Variants in KPNA7 observed in about 807,000 individuals in gnomAD.
The protein encoded by KPNA7 is karyopherin subunit alpha 7, also known as importin subunit alpha-8.
In KPNA7, 54 loss-of-function variants were observed where a neutral mutation model predicts 53.7. The observed-to-expected ratio is 1.01, with a 90% CI of 0.81 to 1.26. KPNA7 has a LOEUF of 1.26. KPNA7 is among the 50% of genes most tolerant of loss of function. The probability of loss-of-function intolerance (pLI) is 0.00; values close to 1 mark genes in which losing one functional copy is unlikely to be tolerated. For synonymous variants in KPNA7, 276 were observed against 259.3 expected (o/e 1.06, Z -0.62); for missense variants, 640 against 644.5 (o/e 0.99, Z 0.07).
chr7:99,170,774 T>TGAGACAGGGGAAGAGAGTC (rs1798756939), downstream of KPNA7, among the ~76,000 whole-genome samples: 1 of 152,176 alleles, frequency 6.6e-6, no homozygotes, highest in Non-Finnish European at 1.5e-5. Context: ...TCAGTAGAGT[T>TGAGACAGGGGAAGAGAGTC]GAGACAGGGG....
chr7:99,215,326 G>A (rs1584327141), intron 1 of KPNA7, among the ~76,000 whole-genome samples: 1 of 137,776 alleles, frequency 7.3e-6, no homozygotes, highest in East Asian at 2.2e-4. Context: ...GAGCTGAGAT[G>A]GTGCCACTGC....
At chr7:99,199,871 C>T (rs1584305575) in intron 3 of KPNA7, among the ~76,000 whole-genome samples, 1 of 152,018 alleles carries the variant, frequency 6.6e-6, no homozygotes, top group Non-Finnish European at 1.5e-5. Context: ...AGAATTCTTA[C>T]AACTCAATAA....
In KPNA7 at chr7:99,185,339, T is replaced by C. The variant is rs576196820; in HGVS notation, c.901-177A>G. 2.2e-4 allele frequency among the ~76,000 whole-genome samples: 33 copies of C among 152,210 alleles called. 1 individual carries two copies. The East Asian group carries it at 6.2e-3, about 28-fold the overall frequency. ...ATTCAATTCATCCATGGCCTTTTAA[T>C]TTATTTTTTATTTATTTATTTATAA... On this transcript the variant is annotated intron_variant, in intron 7 of 10. Coordinates refer to ENST00000327442, the MANE Select transcript of KPNA7 (RefSeq NM_001145715.3).
chr7:99,183,908 T>C (rs10241797), intron 8 of KPNA7, among the ~76,000 whole-genome samples: 142,074 of 152,120 alleles, frequency 0.93, 66,440 homozygotes, highest in Non-Finnish European at 0.97. Context: ...TATAGTGGCA[T>C]GATCGTGGCT....
the KPNA7 span, among the ~76,000 whole-genome samples, chr7:99,162,784 A>G: frequency 0.012 from 1,781 of 152,232 alleles, 33 homozygotes; most frequent in African/African-American, 0.041. Context: ...TTTGTAAACC[A>G]TCTCACCTTT....
intron 7 of KPNA7, among the ~76,000 whole-genome samples, chr7:99,185,988 T>TCA (rs1789567536): frequency 6.6e-6 from 1 of 152,144 alleles, no homozygotes; most frequent in Non-Finnish European, 1.5e-5. Context: ...AGACAAGGTT[T>TCA]CACCATGTTG....
intron 6 of KPNA7, among the ~76,000 whole-genome samples, chr7:99,191,138 C>T (rs1172429063): frequency 1.3e-5 from 2 of 148,638 alleles, no homozygotes; most frequent in Non-Finnish European, 3.0e-5. Context: ...CCACCTGCTT[C>T]ACCATCTCCC....
chr7:99,209,793 G>A (rs1267675284), upstream of KPNA7, among the ~76,000 whole-genome samples: 1 of 151,120 alleles, frequency 6.6e-6, no homozygotes, highest in Non-Finnish European at 1.5e-5. Flanking sequence ...ACTTGCTTAA[G>A]GCCAGGTGTT....
the KPNA7 span, among the ~76,000 whole-genome samples, chr7:99,166,158 T>G: frequency 6.6e-6 from 1 of 152,136 alleles, no homozygotes; most frequent in Non-Finnish European, 1.5e-5. Context: ...ACATCTTTTC[T>G]TTATAAACCA....
chr7:99,197,079 C>T (rs1056426863), intron 3 of KPNA7, among the ~76,000 whole-genome samples: 1 of 152,206 alleles, frequency 6.6e-6, no homozygotes, highest in Admixed American at 6.5e-5. Context: ...TCTTCCCTCT[C>T]ACTGACTTTG....
the KPNA7 span, among the ~76,000 whole-genome samples, chr7:99,152,734 G>A: frequency 6.6e-6 from 1 of 152,128 alleles, no homozygotes; most frequent in Non-Finnish European, 1.5e-5. Flanking sequence ...TTTCTGCTGT[G>A]AGTTTTCATC....
chr7:99,195,545 T>C (rs1432370465), intron 4 of KPNA7, among the ~76,000 whole-genome samples: 1 of 151,974 alleles, frequency 6.6e-6, no homozygotes, highest in Non-Finnish European at 1.5e-5. Flanking sequence ...CTACTAAGAA[T>C]ATAAAAATTA....
chr7:99,209,903 G>A (rs1563092097), upstream of KPNA7, among the ~76,000 whole-genome samples: 1 of 151,856 alleles, frequency 6.6e-6, no homozygotes, highest in Non-Finnish European at 1.5e-5. Context: ...AGCTACTTGA[G>A]GCTGAGGTGG....
chr7:99,203,224 C>G lies in KPNA7; in HGVS notation c.83G>C (p.Arg28Thr). The change falls in exon 3 of 11, where the codon AGG becomes ACG. Residue 28 changes from arginine to threonine, a missense_variant. Physicochemically the swap from Arg to Thr is moderately conservative, Grantham distance 71. Transcript: ENST00000327442. ...TCGGAGCTCCAGACTGACCGCCATC[C>G]TCTGCTGTCGCCTCAGCTAGTGAGG... is the stretch of plus-strand genomic sequence containing the variant. The part of the protein sequence containing the change: ...GKDVSLRRQQ[R>T]MAVSLELRKA... 2 of 1,551,614 alleles carry G rather than the reference C, an allele frequency of 1.3e-6. No homozygotes were observed. The highest frequency in any genetic ancestry group is 1.7e-6 in the Non-Finnish European group (2 of 1,146,838).
At chr7:99,161,965 A>G in the KPNA7 span, among the ~76,000 whole-genome samples, 1 of 151,974 alleles carries the variant, frequency 6.6e-6, no homozygotes, top group African/African-American at 2.4e-5. Context: ...TGCCATTATC[A>G]TTAACACAGT....
intron 10 of KPNA7, 41 bp from the exon 11 acceptor site, chr7:99,173,835 C>T: frequency 1.6e-6 from 2 of 1,220,784 alleles, no homozygotes; most frequent in Non-Finnish European, 2.4e-6. Context: ...CCAGGATTCT[C>T]AGCACATTAT....
At chr7:99,190,453 G>T (rs1361295963) in intron 6 of KPNA7, among the ~76,000 whole-genome samples, 2 of 152,080 alleles carry the variant, frequency 1.3e-5, no homozygotes, top group Admixed American at 1.3e-4. Context: ...AGTCTTTTTG[G>T]CAGGCTCTGC....
chr7:99,217,424 G>A (rs1041843875), intron 1 of KPNA7, among the ~76,000 whole-genome samples: 4 of 152,098 alleles, frequency 2.6e-5, no homozygotes, highest in African/African-American at 9.7e-5. Context: ...TCGAGCTAGC[G>A]AGTCAATGAG....
At chr7:99,181,470 C>T (rs1162566271) in intron 9 of KPNA7, among the ~76,000 whole-genome samples, 1 of 152,166 alleles carries the variant, frequency 6.6e-6, no homozygotes, top group Non-Finnish European at 1.5e-5. Flanking sequence ...CATGGTCCTT[C>T]GAGATGGCTC....
Sources: allele counts gnomAD v4.1 joint callset (sites outside exome capture counted in the v4.1 genomes callset), GRCh38; gene constraint gnomAD v4.1.1; transcripts MANE v1.5; gene names NCBI Gene and HGNC (gene_info 2026-07-23, HGNC 2026-07-21).